GALNT2: variants seen among roughly 807,000 people sequenced by gnomAD.
The protein encoded by GALNT2 is UDP-GalNAc:polypeptide N-acetylgalactosaminyltransferase 2.
Under a neutral mutation model 81.4 loss-of-function variants are expected in GALNT2, and 31 were observed. The ratio of observed to expected loss-of-function variants is 0.38; its 90% CI spans 0.29 to 0.51. GALNT2 has a LOEUF of 0.51. Ranked by LOEUF, GALNT2 falls within the 20% of genes least tolerant of loss-of-function variation. GALNT2 has a pLI of 0.87. For missense variants in GALNT2, 629 were observed against 765.7 expected (o/e 0.82, Z 2.11); for synonymous variants, 303 against 287.4 (o/e 1.05, Z -0.55).
chr1:230,189,704 C>T (rs996470695), intron 2 of GALNT2, among the ~76,000 whole-genome samples: 5 of 152,166 alleles, frequency 3.3e-5, no homozygotes, highest in East Asian at 1.9e-4. Flanking sequence ...CATACAGGTC[C>T]GTGGCATTAA....
intron 1 of GALNT2, among the ~76,000 whole-genome samples, chr1:230,078,273 G>C (rs925844519): frequency 6.6e-6 from 1 of 152,070 alleles, no homozygotes; most frequent in African/African-American, 2.4e-5. Flanking sequence ...ACAATGTGTC[G>C]TATTTGGGGG....
chr1:230,249,086 G>A (rs1665461940), intron 8 of GALNT2, 98 bp from the exon 9 acceptor site: 1 of 1,224,228 alleles, frequency 8.2e-7, no homozygotes, highest in East Asian at 2.4e-5. Context: ...ATTGAGTTCT[G>A]TCCAAACATC....
At chr1:230,228,405 A>G (rs1664776825) in intron 3 of GALNT2, among the ~76,000 whole-genome samples, 1 of 152,056 alleles carries the variant, frequency 6.6e-6, no homozygotes, top group South Asian at 2.1e-4. Context: ...TCATTAAGGC[A>G]GCATGGTACA....
At chr1:230,269,162 G>C (rs1193904757) in intron 14 of GALNT2, among the ~76,000 whole-genome samples, 1 of 122,978 alleles carries the variant, frequency 8.1e-6, no homozygotes, top group Non-Finnish European at 1.8e-5. Flanking sequence ...TTTTTTTTGA[G>C]ACGGAGTTTG....
chr1:230,144,329 C>T (rs145896549), intron 1 of GALNT2, among the ~76,000 whole-genome samples: 1 of 152,276 alleles, frequency 6.6e-6, no homozygotes, highest in East Asian at 1.9e-4. Context: ...GAACATTTGT[C>T]CTGTTTTGTG....
rs192870127 is a variant in GALNT2, at chr1:230,202,790, A to G, written c.221-347A>G. ...CCCTACCTGAGATAATGTCAACATTATAATCCCTGGAAAGGTGGGACAAGC... is the reference window on the plus strand; with the variant it reads ...CCCTACCTGAGATAATGTCAACATTGTAATCCCTGGAAAGGTGGGACAAGC... On this transcript the variant is annotated intron_variant, in intron 2 of 15. Coordinates refer to ENST00000366672, the MANE Select transcript of GALNT2 (RefSeq NM_004481.5). 3.3e-5 allele frequency among the ~76,000 whole-genome samples: 5 copies of G among 152,378 alleles called. No individual in the cohort carries two copies. In the East Asian group the frequency reaches 9.6e-4, roughly 29 times the overall value.
At chr1:230,066,779 C>T (rs1399580792), upstream of GALNT2, among the ~76,000 whole-genome samples, 2 of 152,204 alleles carry the variant, frequency 1.3e-5, no homozygotes, top group Admixed American at 1.3e-4. Context: ...AATCGAGAGG[C>T]CCCGTGTGCG....
intron 1 of GALNT2, among the ~76,000 whole-genome samples, chr1:230,151,773 G>A (rs1662102094): frequency 1.8e-5 from 1 of 54,324 alleles, no homozygotes; most frequent in Non-Finnish European, 4.3e-5. Flanking sequence ...GTAGTGCAAA[G>A]TGAAAAGTTT....
chr1:230,209,904 A>T (rs867028722), intron 3 of GALNT2, among the ~76,000 whole-genome samples: 1 of 150,028 alleles, frequency 6.7e-6, no homozygotes, highest in Non-Finnish European at 1.5e-5. Flanking sequence ...AGTGGAAACG[A>T]TACAGCATGA....
At chr1:230,189,944 A>G (rs1468965522) in intron 2 of GALNT2, among the ~76,000 whole-genome samples, 3 of 152,096 alleles carry the variant, frequency 2.0e-5, no homozygotes, top group Non-Finnish European at 4.4e-5. Context: ...CTCCAGGTTC[A>G]CCCATGTTGT....
At chr1:230,238,454 G>A (rs531030357) in intron 6 of GALNT2, among the ~76,000 whole-genome samples, 1 of 152,270 alleles carries the variant, frequency 6.6e-6, no homozygotes, top group South Asian at 2.1e-4. Context: ...AAATGATGCC[G>A]ATGTACAGTG....
chr1:230,064,070 C>T (rs1030094191), upstream of GALNT2, among the ~76,000 whole-genome samples: 7 of 152,136 alleles, frequency 4.6e-5, no homozygotes, highest in African/African-American at 1.7e-4. Flanking sequence ...TTTGGGAATA[C>T]ATATATTTTG....
chr1:230,093,298 C>T (rs1660148326), intron 1 of GALNT2, among the ~76,000 whole-genome samples: 1 of 151,794 alleles, frequency 6.6e-6, no homozygotes, highest in South Asian at 2.1e-4. Flanking sequence ...GGGCACTGAA[C>T]ATGATAATAG....
Position 230,229,291 on chromosome 1 carries a change from C to G in GALNT2, c.375-6723C>G, listed in dbSNP as rs574596761. On this transcript the variant is annotated intron_variant, in intron 3 of 15. Transcript: ENST00000366672. ...AAAATGGACAAAGAACATGAATAAA[C>G]AGTTAACAGCAGAAACCATCCAGTC... Among the ~76,000 whole-genome samples, 59 of 152,264 alleles carry G rather than the reference C, an allele frequency of 3.9e-4. 1 individual carries two copies. The highest frequency in any genetic ancestry group is 7.8e-4 in the Admixed American group (12 of 15,302).
chr1:230,252,843 CTTTTTTTT>C (rs58544942), intron 10 of GALNT2, among the ~76,000 whole-genome samples: 4 of 78,946 alleles, frequency 5.1e-5, no homozygotes, highest in Non-Finnish European at 9.1e-5. Flanking sequence ...GAGACAACTT[CTTTTTTTT>C]TTTTTTTTTT....
At position 230,257,539 on chromosome 1, in the gene GALNT2, A is replaced by G. The variant is rs1275582640; in HGVS notation, c.1136+2195A>G. Among the ~76,000 whole-genome samples, 2 of 152,240 alleles carry G rather than the reference A, an allele frequency of 1.3e-5. No individual in the cohort carries two copies. Among genetic ancestry groups the G allele is most frequent in the African/African-American group, 2.4e-5 (1 of 41,466 alleles). ...GTGCTCTACACGTTTGTAGCCTAGA[A>G]GCAATAGGCTGTACCATGTAGCCTA... On this transcript the variant is annotated intron_variant, in intron 11 of 15. Transcript: ENST00000366672. This position sits in a 1 kb window ranked among gnomAD's most constrained non-coding sequence, Gnocchi z 4.6.
chr1:230,262,499 A>T (rs1665907845), intron 11 of GALNT2, 74 bp from the exon 12 acceptor site: 1 of 1,320,344 alleles, frequency 7.6e-7, no homozygotes, highest in Non-Finnish European at 1.1e-6. Flanking sequence ...GTCACACGCC[A>T]GCAGACAGGT....
intron 2 of GALNT2, among the ~76,000 whole-genome samples, chr1:230,199,810 G>A (rs76499239): frequency 0.044 from 6,708 of 152,270 alleles, 195 homozygotes; most frequent in Non-Finnish European, 0.064. Context: ...GCAGGGTACC[G>A]CTCAGTAGGC....
intron 1 of GALNT2, among the ~76,000 whole-genome samples, chr1:230,102,713 TAAAAA>T (rs956151494): frequency 2.6e-5 from 4 of 150,952 alleles, no homozygotes; most frequent in Non-Finnish European, 5.9e-5. Flanking sequence ...TTGATGGCCT[TAAAAA>T]AAAAGCGAAC....
Sources: gnomAD v4.1 joint callset for allele counts (sites outside exome capture counted in the v4.1 genomes callset) on GRCh38, gnomAD v4.1.1 for gene constraint, Gnocchi (gnomAD v3.1) non-coding constraint, MANE v1.5 for transcripts, NCBI Gene and HGNC (gene_info 2026-07-23, HGNC 2026-07-21) for gene names.